CYP7A1: variants seen among roughly 807,000 people sequenced by gnomAD.
CYP7A1 encodes the protein cytochrome P450 family 7 subfamily A member 1.
Under a neutral mutation model 43.8 loss-of-function variants are expected in CYP7A1, and 28 were observed. That is an observed-to-expected ratio of 0.64 (90% confidence interval 0.47 to 0.88). The LOEUF (loss-of-function observed/expected upper bound fraction) is 0.88, where lower values mean the gene tolerates loss of function less well. Among genes scored for constraint, CYP7A1 ranks in the 40% least tolerant of loss-of-function variants. The pLI is 0.00. For synonymous variants in CYP7A1, 227 were observed against 222.5 expected (o/e 1.02, Z -0.18); for missense variants, 637 against 611.9 (o/e 1.04, Z -0.43).
At position 58,491,672 on chromosome 8, in the gene CYP7A1, C is replaced by A; in HGVS notation, c.1318G>T (p.Gly440Ter). 6.2e-7 allele frequency: 1 copy of A among 1,614,070 alleles called. No homozygotes were observed. The highest frequency in any genetic ancestry group is 8.5e-7 in the Non-Finnish European group (1 of 1,179,978). The change falls in exon 6 of 6, where the codon GGA (glycine) becomes TGA (stop). Residue 440 changes from glycine (G) to a stop codon, truncating the protein, a stop_gained. Transcript: ENST00000301645. LOFTEE classifies it high-confidence loss of function. ...LKYYYMPFGS[G>*]ATICPGRLFA... is the part of the protein sequence containing the mutation. The stretch of plus-strand genomic sequence containing the variant: ...AATCTTCCAGGACATATTGTAGCTC[C>A]CGATCCAAAGGGCATGTAGTAATAC...
chr8:58,492,543 A>G lies in CYP7A1; in HGVS notation c.1040-15T>C. The G allele has an allele frequency of 6.2e-7, 1 of 1,605,046 alleles. No homozygotes were observed. Among genetic ancestry groups the G allele is most frequent in the South Asian group, 1.1e-5 (1 of 90,724 alleles). On this transcript the variant is annotated splice_polypyrimidine_tract_variant and intron_variant, in intron 4 of 5. Transcript: ENST00000301645. ...GATTATACTATCTAAACATTTTAAA[A>G]GAAAAAAAGATAAAAAATGAAAGAA...
chr8:58,498,353 A>C lies in CYP7A1; in HGVS notation c.197T>G (p.Val66Gly). ...TTTTCCCATTAGTTTGCAGGTAAAA[A>C]CATGACCATGTTTCCTTTGATTTGC... ...LRANQRKHGHVFTCKLMGKYV... is the reference protein window; with the variant it reads ...LRANQRKHGHGFTCKLMGKYV... Residue 66 changes from valine (V) to glycine (G), a missense_variant, in exon 2 of 6, where the codon GTT becomes GGT. Physicochemically the swap from Val to Gly is moderately radical, Grantham distance 109. Coordinates refer to ENST00000301645, the MANE Select transcript of CYP7A1 (RefSeq NM_000780.4). 6.2e-7 allele frequency: 1 copy of C among 1,614,160 alleles called. No homozygotes were observed. Among genetic ancestry groups the C allele is most frequent in the Non-Finnish European group, 8.5e-7 (1 of 1,180,024 alleles).
intron 3 of CYP7A1, among the ~76,000 whole-genome samples, chr8:58,495,794 T>C (rs1809434524): frequency 1.3e-5 from 2 of 152,238 alleles, no homozygotes; most frequent in African/African-American, 4.8e-5. Context: ...AGTTCTCACA[T>C]CTGAAATTAA....
At chr8:58,495,731 T>G (rs570581408) in intron 3 of CYP7A1, among the ~76,000 whole-genome samples, 1 of 152,212 alleles carries the variant, frequency 6.6e-6, no homozygotes, top group Non-Finnish European at 1.5e-5. Context: ...TGGATGTGCT[T>G]TTTCAAGTAA....
At chr8:58,499,938 C>A in intron 1 of CYP7A1, 81 bp downstream of exon 1, 2 of 1,177,714 alleles carry the variant, frequency 1.7e-6, no homozygotes, top group Admixed American at 1.7e-5. Flanking sequence ...GTATAGAAAA[C>A]CAAATTTACT....
rs1311807382 is a variant in CYP7A1, at chr8:58,490,400, TC to T, written c.*1074del. 1 of 152,210 alleles carries T rather than the reference TC, an allele frequency of 6.6e-6. No homozygotes were observed. The highest frequency in any genetic ancestry group is 2.4e-5 in the African/African-American group (1 of 41,450). 9.4% of individuals were successfully genotyped at this position (152,210 alleles called of 1,614,324 possible). On this transcript the variant is annotated 3_prime_UTR_variant, in exon 6 of 6. Transcript: ENST00000301645. ...AACACTCGAGTCACCTTAGTTTTTT[TC>T]ATCTGCAAGTCATTTAGCGATAAAA...
chr8:58,494,580 G>T lies in CYP7A1; in HGVS notation c.965C>A (p.Ala322Asp), dbSNP rs779835043. ...GCCTTCCAAGCTGACTTTTTGACCA[G>T]CATTCTCTAATGTTCTTTTCACTTC... Reference protein sequence around the residue: ...TEEVKRTLENAGQKVSLEGNP... With the variant: ...TEEVKRTLENDGQKVSLEGNP... The change falls in exon 4 of 6, where the codon GCT becomes GAT. Residue 322 changes from alanine to aspartate, a missense_variant. Physicochemically the swap from Ala to Asp is moderately radical, Grantham distance 126. Transcript: ENST00000301645. The T allele has an allele frequency of 1.9e-6, 3 of 1,613,834 alleles. No homozygotes were observed. The highest frequency in any genetic ancestry group is 2.5e-6 in the Non-Finnish European group (3 of 1,179,878).
Position 58,497,081 on chromosome 8 carries a change from CT to C in CYP7A1, c.430del (p.Ser144AlafsTer2). 6.2e-7 allele frequency: 1 copy of C among 1,602,096 alleles called. No individual in the cohort carries two copies. The highest frequency in any genetic ancestry group is 8.5e-7 in the Non-Finnish European group (1 of 1,179,910). On this transcript the variant is annotated frameshift_variant, in exon 3 of 6. Transcript: ENST00000301645. LOFTEE classifies it high-confidence loss of function. ...GATACGTTGGAGGTTTTCCATCATG[CT>C]TTCCGTGAGGGAATTCAAGGCATGG... is the stretch of plus-strand genomic sequence containing the variant. ...QGHALNSLTESMMENLQRIMR... is the reference protein window; with the variant it reads ...QGHALNSLTEXMMENLQRIMR...
At position 58,498,462 on chromosome 8, in the gene CYP7A1, C is replaced by A; in HGVS notation, c.88G>T (p.Gly30Cys). Residue 30 changes from glycine to cysteine, a missense_variant, in exon 2 of 6, where the codon GGT (glycine) becomes TGT (cysteine). Coordinates refer to ENST00000301645, the MANE Select transcript of CYP7A1 (RefSeq NM_000780.4). ...LILGIRRRQT[G>C]EPPLENGLIP... is the part of the protein sequence containing the mutation. ...AATCCATTCTCTAGAGGTGGTTCAC[C>A]CGTTTGCCTGTCAGACACAAGTGTA... 6.2e-7 allele frequency: 1 copy of A among 1,613,966 alleles called. No homozygotes were observed. Among genetic ancestry groups the A allele is most frequent in the South Asian group, 1.1e-5 (1 of 91,068 alleles).
Position 58,496,660 on chromosome 8 carries a change from C to G in CYP7A1, c.852G>C (p.Trp284Cys). The G allele has an allele frequency of 6.2e-7, 1 of 1,614,132 alleles. No homozygotes were observed. Among genetic ancestry groups the G allele is most frequent in the African/African-American group, 1.3e-5 (1 of 75,014 alleles). ...EKAKTHLVVL[W>C]ASQANTIPAT... is the part of the protein sequence containing the mutation. ...CTGGAATGGTGTTTGCTTGCGATGC[C>G]CAGAGGACCACGAGGTGTGTCTTGG... Residue 284 changes from tryptophan (W) to cysteine (C), a missense_variant, in exon 3 of 6, where the codon TGG becomes TGC. Physicochemically the swap from Trp to Cys is radical, Grantham distance 215. Transcript: ENST00000301645.
Position 58,492,908 on chromosome 8 carries a change from G to T in CYP7A1, c.1040-380C>A, listed in dbSNP as rs187081987. On this transcript the variant is annotated intron_variant, in intron 4 of 5. Coordinates refer to ENST00000301645, the MANE Select transcript of CYP7A1 (RefSeq NM_000780.4). Reference sequence around the variant, plus strand: ...ACCTCTCGAGTAGCTGCGACTATAGGCATGTGCCACCATACCCAGCTAATT... The same window carrying T: ...ACCTCTCGAGTAGCTGCGACTATAGTCATGTGCCACCATACCCAGCTAATT... 2.9e-4 allele frequency among the ~76,000 whole-genome samples: 44 copies of T among 152,164 alleles called. 1 individual carries two copies. The highest frequency in any genetic ancestry group is 2.2e-3 in the Admixed American group (34 of 15,284).
chr8:58,500,004 TAAA>T lies in CYP7A1; in HGVS notation c.80+12_80+14del. On this transcript the variant is annotated intron_variant, in intron 1 of 5. Coordinates refer to ENST00000301645, the MANE Select transcript of CYP7A1 (RefSeq NM_000780.4). The stretch of plus-strand genomic sequence containing the variant: ...GATGAATCAAAGAGCAATTTAAAGA[TAAA>T]ACATTACTTACCTTCTCCTAATTCC... 2 of 1,601,018 alleles carry T rather than the reference TAAA, an allele frequency of 1.2e-6. No individual in the cohort carries two copies. The highest frequency in any genetic ancestry group is 1.7e-6 in the Non-Finnish European group (2 of 1,168,506).
rs1416175072 is a variant in CYP7A1 at position 58,491,791 on chromosome 8, A to G, written c.1216-17T>C. The G allele has an allele frequency of 5.6e-6, 9 of 1,606,426 alleles. No individual in the cohort carries two copies. The highest frequency in any genetic ancestry group is 6.8e-6 in the Non-Finnish European group (8 of 1,173,802). On this transcript the variant is annotated splice_polypyrimidine_tract_variant and intron_variant, in intron 5 of 5. Coordinates refer to ENST00000301645, the MANE Select transcript of CYP7A1 (RefSeq NM_000780.4). ...TTTAAAAGTCTGCAATAAAAATACAAAGAAAACCGCCTTTAAGCTAGTTTT... is the reference window on the plus strand; with the variant it reads ...TTTAAAAGTCTGCAATAAAAATACAGAGAAAACCGCCTTTAAGCTAGTTTT...
In CYP7A1 at chr8:58,492,360, T is replaced by G. The variant is rs1251060298; in HGVS notation, c.1208A>C (p.Asp403Ala). ...CAATGGGCAGGCACTTACCAAAGGG[T>G]CTGGGTAGATTTCTGGATCTAAGTG... Reference protein sequence around the residue: ...LMHLDPEIYPDPLTFKYDRYL... With the variant: ...LMHLDPEIYPAPLTFKYDRYL... The change falls in exon 5 of 6, where the codon GAC becomes GCC. Residue 403 changes from aspartate to alanine, a missense_variant. Coordinates refer to ENST00000301645, the MANE Select transcript of CYP7A1 (RefSeq NM_000780.4). 2 of 1,613,294 alleles carry G rather than the reference T, an allele frequency of 1.2e-6. No individual in the cohort carries two copies. The highest frequency in any genetic ancestry group is 1.7e-6 in the Non-Finnish European group (2 of 1,179,438).
At chr8:58,492,126 C>T (rs1032072811) in intron 5 of CYP7A1, among the ~76,000 whole-genome samples, 2 of 152,096 alleles carry the variant, frequency 1.3e-5, no homozygotes, top group African/African-American at 4.8e-5. Flanking sequence ...ATTATCATGA[C>T]TGCAAATATA....
chr8:58,491,418 G>T lies in CYP7A1; in HGVS notation c.*57C>A, dbSNP rs1227326117. On this transcript the variant is annotated 3_prime_UTR_variant, in exon 6 of 6. Coordinates refer to ENST00000301645, the MANE Select transcript of CYP7A1 (RefSeq NM_000780.4). ...CATTTGTCCAAAGGGACTGTGTGGT[G>T]AGGGTGTTCTGCAGTCCTGTAATAT... The T allele has an allele frequency of 4.1e-6, 6 of 1,470,604 alleles. No individual in the cohort carries two copies. The highest frequency in any genetic ancestry group is 5.7e-6 in the Non-Finnish European group (6 of 1,055,882). The allele number at this position is 1,470,604 out of a possible 1,614,324, so 91.1% of individuals were successfully genotyped here.
intron 1 of CYP7A1, among the ~76,000 whole-genome samples, chr8:58,499,166 A>G (rs1453770938): frequency 2.0e-5 from 3 of 152,254 alleles, no homozygotes; most frequent in Non-Finnish European, 4.4e-5. Flanking sequence ...ATAATACAGT[A>G]TAAAGTAATT....
intron 4 of CYP7A1, 122 bp from the exon 5 acceptor site, chr8:58,492,650 G>C: frequency 1.3e-6 from 1 of 776,038 alleles, no homozygotes; most frequent in South Asian, 1.6e-5. Flanking sequence ...CAGCCTGGCA[G>C]TGCATAACAC....
chr8:58,497,261 G>T (rs1809460372), intron 2 of CYP7A1, 71 bp from the exon 3 acceptor site: 3 of 1,258,744 alleles, frequency 2.4e-6, no homozygotes, highest in Non-Finnish European at 3.4e-6. Flanking sequence ...CTGAAAAACG[G>T]ATTAGATACT....
Sources: gnomAD v4.1 joint callset for allele counts (sites outside exome capture counted in the v4.1 genomes callset) on GRCh38, gnomAD v4.1.1 for gene constraint, MANE v1.5 for transcripts, NCBI Gene and HGNC (gene_info 2026-07-23, HGNC 2026-07-21) for gene names.